Variants in UBE2W observed in about 807,000 individuals in gnomAD.
UBE2W encodes the protein ubiquitin-conjugating enzyme E2 W.
In UBE2W, 18 loss-of-function variants were observed where a neutral mutation model predicts 27.2. The ratio of observed to expected loss-of-function variants is 0.66; its 90% CI spans 0.46 to 0.98. The LOEUF (loss-of-function observed/expected upper bound fraction) is 0.98, where lower values mean the gene tolerates loss of function less well. UBE2W is among the 50% of genes least tolerant of loss of function. UBE2W has a pLI of 0.00. For synonymous variants in UBE2W, 53 were observed against 57.2 expected, an observed-to-expected ratio of 0.93 and a Z score of 0.33; for missense variants, 90 against 180.2, an observed-to-expected ratio of 0.50 and a Z score of 2.87.
intron 5 of UBE2W, among the ~76,000 whole-genome samples, chr8:73,803,042 C>T (rs2130859499): frequency 6.7e-6 from 1 of 149,350 alleles, no homozygotes; most frequent in South Asian, 2.1e-4. Context: ...AATAAATAAA[C>T]AAAAATAAAA....
intron 1 of UBE2W, among the ~76,000 whole-genome samples, chr8:73,847,304 A>G (rs1407330922): frequency 6.6e-6 from 1 of 152,226 alleles, no homozygotes; most frequent in Non-Finnish European, 1.5e-5. Flanking sequence ...TTAAAGCCAC[A>G]CTACAATAAG....
intron 3 of UBE2W, among the ~76,000 whole-genome samples, chr8:73,813,772 G>T (rs941386271): frequency 4.0e-5 from 6 of 150,840 alleles, no homozygotes; most frequent in Admixed American, 1.3e-4. Context: ...TCTTTCCCCA[G>T]ATAGAGCTTT....
chr8:73,802,389 C>A (rs1484216919), intron 5 of UBE2W, among the ~76,000 whole-genome samples: 26 of 152,074 alleles, frequency 1.7e-4, no homozygotes, highest in Admixed American at 1.7e-3. Flanking sequence ...CCTTAAGTAA[C>A]TTTCATAAAC....
At chr8:73,873,906 A>G (rs1812109491) in intron 1 of UBE2W, among the ~76,000 whole-genome samples, 1 of 152,202 alleles carries the variant, frequency 6.6e-6, no homozygotes, top group Non-Finnish European at 1.5e-5. Context: ...ACAAACATCA[A>G]CTACTATGCA....
chr8:73,792,978 A>G lies in UBE2W; in HGVS notation c.*1124T>C. On this transcript the variant is annotated 3_prime_UTR_variant, in exon 6 of 6. Transcript: ENST00000602593. ...TTTGTTAAAACATTAAGCCTCTGTC[A>G]AAAATGTATTTCTTATTTTAGGGTA... 1.0e-6 allele frequency: 1 copy of G among 985,562 alleles called. No individual in the cohort carries two copies. 61.1% of individuals were successfully genotyped at this position (985,562 alleles called of 1,614,324 possible). A position where few individuals can be genotyped will look rare whatever the true frequency, so the allele number is the denominator to read the frequency against.
Position 73,830,454 on chromosome 8 carries a change from G to A in UBE2W, c.34C>T (p.Leu12=). 1 of 1,613,722 alleles carries A rather than the reference G, an allele frequency of 6.2e-7. No individual in the cohort carries two copies. The highest frequency in any genetic ancestry group is 8.5e-7 in the Non-Finnish European group (1 of 1,179,692). ...GGTGGGTCATTTTGCAAAGCCAACA[G>A]TTCTTTCTGTAGTCGTTTCTAGAAA... ...ASMQKRLQKE[L]LALQNDPPPG... is the part of the protein sequence containing the mutation. Residue 12 remains leucine (L), a synonymous_variant, in exon 2 of 6, where the codon CTG becomes TTG. Transcript: ENST00000602593.
chr8:73,850,443 TCATAA>T (rs1811024322), intron 1 of UBE2W, among the ~76,000 whole-genome samples: 1 of 152,274 alleles, frequency 6.6e-6, no homozygotes, highest in East Asian at 1.9e-4. Context: ...CCAGCACTGT[TCATAA>T]CATGTTAGGA....
chr8:73,872,166 T>C (rs1380086540), intron 1 of UBE2W, among the ~76,000 whole-genome samples: 1 of 152,202 alleles, frequency 6.6e-6, no homozygotes, highest in Non-Finnish European at 1.5e-5. Flanking sequence ...TAATCTGATA[T>C]TACTTTCTGC....
chr8:73,867,626 G>A (rs937281671), intron 1 of UBE2W, among the ~76,000 whole-genome samples: 6 of 151,740 alleles, frequency 4.0e-5, no homozygotes, highest in South Asian at 2.1e-4. Context: ...CAGGAGAATC[G>A]CTTGAACCTG....
At chr8:73,803,987 C>A (rs1586453402) in intron 5 of UBE2W, among the ~76,000 whole-genome samples, 1 of 150,998 alleles carries the variant, frequency 6.6e-6, no homozygotes, top group Admixed American at 6.6e-5. Context: ...AGGATGGTCT[C>A]AATCTCCTGG....
intron 1 of UBE2W, among the ~76,000 whole-genome samples, chr8:73,847,409 T>TA (rs1810857523): frequency 6.6e-6 from 1 of 152,270 alleles, no homozygotes; most frequent in South Asian, 2.1e-4. Context: ...TATAAACTGG[T>TA]AAACAATTTT....
intron 1 of UBE2W, among the ~76,000 whole-genome samples, chr8:73,865,207 A>AAAAAAAAAAAAAAAC (rs1491449891): frequency 6.9e-6 from 1 of 144,280 alleles, no homozygotes; most frequent in African/African-American, 2.6e-5. Context: ...AAAAAAAAAA[A>AAAAAAAAAAAAAAAC]GCACTGCGAG....
chr8:73,803,494 CA>C (rs1448777304), intron 5 of UBE2W, among the ~76,000 whole-genome samples: 1 of 152,124 alleles, frequency 6.6e-6, no homozygotes, highest in Non-Finnish European at 1.5e-5. Context: ...CTTTATGGCT[CA>C]AAATTCAAAC....
intron 2 of UBE2W, among the ~76,000 whole-genome samples, chr8:73,829,007 A>C (rs762627663): frequency 6.6e-6 from 1 of 152,178 alleles, no homozygotes; most frequent in African/African-American, 2.4e-5. Flanking sequence ...AGAAGATGGC[A>C]CAAAGGTAAA....
At chr8:73,786,152 T>C, downstream of UBE2W, 1 of 915,058 alleles carries the variant, frequency 1.1e-6, no homozygotes, top group Non-Finnish European at 1.3e-6. Flanking sequence ...AAACAATTAA[T>C]TTGTGACAAG....
At chr8:73,853,334 G>A (rs896355500) in intron 1 of UBE2W, among the ~76,000 whole-genome samples, 1 of 152,192 alleles carries the variant, frequency 6.6e-6, no homozygotes, top group Non-Finnish European at 1.5e-5. Context: ...AGTTGCCCAG[G>A]ATGGAATACA....
At chr8:73,819,049 A>G (rs1188925929) in intron 3 of UBE2W, among the ~76,000 whole-genome samples, 1 of 152,176 alleles carries the variant, frequency 6.6e-6, no homozygotes, top group Non-Finnish European at 1.5e-5. Context: ...GACCCGTCCT[A>G]CATATTCCAG....
intron 1 of UBE2W, among the ~76,000 whole-genome samples, chr8:73,873,986 CAAATTAGA>C (rs1210230405): frequency 6.6e-6 from 1 of 152,068 alleles, no homozygotes; most frequent in East Asian, 1.9e-4. Flanking sequence ...TCTAGAATGT[CAAATTAGA>C]AAATTAGACA....
chr8:73,819,704 T>C (rs1002335592), intron 3 of UBE2W, among the ~76,000 whole-genome samples: 2 of 152,248 alleles, frequency 1.3e-5, no homozygotes, highest in African/African-American at 4.8e-5. Context: ...GTTGTTATTC[T>C]TTCTTTTAAG....
Sources: gnomAD v4.1 joint callset for allele counts (sites outside exome capture counted in the v4.1 genomes callset) on GRCh38, gnomAD v4.1.1 for gene constraint, MANE v1.5 for transcripts, NCBI Gene and HGNC (gene_info 2026-07-23, HGNC 2026-07-21) for gene names.